RABGAP1L: variants seen among roughly 807,000 people sequenced by gnomAD.
The protein encoded by RABGAP1L is RAB GTPase activating protein 1 like.
In RABGAP1L, 63 loss-of-function variants were observed where a neutral mutation model predicts 137.7. The observed-to-expected ratio is 0.46, with a 90% CI of 0.37 to 0.56. The LOEUF (loss-of-function observed/expected upper bound fraction) is 0.56. Among genes scored for constraint, RABGAP1L ranks in the 20% least tolerant of loss-of-function variants. The pLI is 0.00. For synonymous variants in RABGAP1L, 431 were observed against 433.7 expected (o/e 0.99, Z 0.08); for missense variants, 1,095 against 1,244.0 (o/e 0.88, Z 1.80).
At chr1:174,547,456 A>G (rs1364485846) in intron 13 of RABGAP1L, among the ~76,000 whole-genome samples, 1 of 152,130 alleles carries the variant, frequency 6.6e-6, no homozygotes, top group African/African-American at 2.4e-5. Context: ...ATCTCTGCAA[A>G]AAAATAAAAA....
chr1:174,595,936 G>A (rs1344657506), intron 13 of RABGAP1L, among the ~76,000 whole-genome samples: 3 of 104,826 alleles, frequency 2.9e-5, no homozygotes, highest in African/African-American at 5.8e-5. Flanking sequence ...TGGCAATGGC[G>A]GGCGCCCCTC....
chr1:174,249,889 G>T (rs1672580934), intron 5 of RABGAP1L, among the ~76,000 whole-genome samples: 1 of 152,098 alleles, frequency 6.6e-6, no homozygotes, highest in African/African-American at 2.4e-5. Context: ...TGATCTGCCT[G>T]CCTTGGCCTC....
At chr1:174,897,836 G>A (rs1175169168) in intron 19 of RABGAP1L, 1 of 151,806 alleles carries the variant, frequency 6.6e-6, no homozygotes, top group Non-Finnish European at 1.5e-5. Context: ...GTAAAAATTA[G>A]CCAGTTTGGT....
intron 17 of RABGAP1L, among the ~76,000 whole-genome samples, chr1:174,749,441 T>G (rs1684162909): frequency 6.6e-6 from 1 of 151,930 alleles, no homozygotes; most frequent in African/African-American, 2.4e-5. Flanking sequence ...GCACTCCTCC[T>G]GCCTCAGCCT....
At chr1:174,586,385 T>C (rs1403583510) in intron 13 of RABGAP1L, among the ~76,000 whole-genome samples, 1 of 149,654 alleles carries the variant, frequency 6.7e-6, no homozygotes, top group Non-Finnish European at 1.5e-5. Context: ...CACTGGGACC[T>C]GTCAGGGGAG....
chr1:174,616,040 C>G (rs1171331771), intron 13 of RABGAP1L, among the ~76,000 whole-genome samples: 1 of 152,100 alleles, frequency 6.6e-6, no homozygotes, highest in Non-Finnish European at 1.5e-5. Context: ...CTGAGTGAGG[C>G]AATGTCTTGC....
chr1:174,786,939 C>T (rs1687486685), intron 18 of RABGAP1L, among the ~76,000 whole-genome samples: 1 of 152,010 alleles, frequency 6.6e-6, no homozygotes, highest in Admixed American at 6.6e-5. Context: ...CTGTTGGGTA[C>T]TAGAGGTGCG....
chr1:174,674,227 ATCCTT>A (rs1677411099), intron 14 of RABGAP1L, among the ~76,000 whole-genome samples: 1 of 144,716 alleles, frequency 6.9e-6, no homozygotes, highest in African/African-American at 2.6e-5. Context: ...TCCTAATGCT[ATCCTT>A]CCCCCCTCCC....
chr1:174,629,368 T>G (rs75312032), intron 13 of RABGAP1L, among the ~76,000 whole-genome samples: 3,260 of 152,284 alleles, frequency 0.021, 124 homozygotes, highest in African/African-American at 0.075. Flanking sequence ...CCTTTACTTA[T>G]ATGAGATGGA....
intron 1 of RABGAP1L, among the ~76,000 whole-genome samples, chr1:174,198,985 G>A (rs893557704): frequency 8.5e-5 from 13 of 152,170 alleles, no homozygotes; most frequent in African/African-American, 2.9e-4. Flanking sequence ...GCGCATGCCT[G>A]TAATCCCAGC....
intron 13 of RABGAP1L, among the ~76,000 whole-genome samples, chr1:174,400,806 C>T (rs1460402632): frequency 1.3e-5 from 2 of 151,938 alleles, no homozygotes; most frequent in African/African-American, 2.4e-5. Flanking sequence ...CATGGTAGGT[C>T]AATGATTGGC....
In RABGAP1L at chr1:174,992,155, CT is replaced by C. The variant is rs1173141639; in HGVS notation, c.*2155del. 1.3e-5 allele frequency: 2 copies of C among 152,254 alleles called. No individual in the cohort carries two copies. Among genetic ancestry groups the C allele is most frequent in the Non-Finnish European group, 2.9e-5 (2 of 68,134 alleles). The allele number at this position is 152,254 out of a possible 1,614,324, so 9.4% of individuals were successfully genotyped here. On this transcript the variant is annotated 3_prime_UTR_variant, in exon 26 of 26. Coordinates refer to ENST00000681986, the MANE Select transcript of RABGAP1L (RefSeq NM_001366446.1). ...AAAGAGGAGAAGAGAAAAATCCCCC[CT>C]GGCCAGGCATGGTGGCTCACATCTG...
intron 13 of RABGAP1L, among the ~76,000 whole-genome samples, chr1:174,475,653 A>G (rs868223612): frequency 4.2e-4 from 64 of 151,852 alleles, no homozygotes; most frequent in African/African-American, 1.5e-3. Flanking sequence ...CACACATACA[A>G]TCCCAGCTCT....
intron 10 of RABGAP1L, among the ~76,000 whole-genome samples, chr1:174,283,489 A>C (rs1675759167): frequency 6.6e-6 from 1 of 151,212 alleles, no homozygotes; most frequent in Admixed American, 6.6e-5. Context: ...TTTTGGGAAG[A>C]GTTGCTGTTT....
intron 19 of RABGAP1L, among the ~76,000 whole-genome samples, chr1:174,881,672 G>A (rs1373558954): frequency 6.6e-6 from 1 of 151,052 alleles, no homozygotes; most frequent in African/African-American, 2.4e-5. Context: ...GCTAATTTTT[G>A]TATTTTTAGT....
At chr1:174,507,807 A>G (rs1661967682) in intron 13 of RABGAP1L, among the ~76,000 whole-genome samples, 1 of 151,130 alleles carries the variant, frequency 6.6e-6, no homozygotes, top group African/African-American at 2.5e-5. Context: ...ATTTTGATTT[A>G]CTATTAAGTA....
At chr1:174,233,590 T>G (rs779303783) in intron 4 of RABGAP1L, among the ~76,000 whole-genome samples, 1 of 141,832 alleles carries the variant, frequency 7.1e-6, no homozygotes, top group South Asian at 2.1e-4. Flanking sequence ...ACAAAGGACA[T>G]GAACTCATCA....
chr1:174,595,709 C>G (rs765333850), intron 13 of RABGAP1L, among the ~76,000 whole-genome samples: 5 of 124,660 alleles, frequency 4.0e-5, no homozygotes, highest in East Asian at 2.3e-4. Context: ...GCAGTCTGCC[C>G]GTTCTCAGAT....
chr1:174,431,136 G>A (rs1652584109), intron 13 of RABGAP1L, among the ~76,000 whole-genome samples: 1 of 151,862 alleles, frequency 6.6e-6, no homozygotes, highest in African/African-American at 2.4e-5. Flanking sequence ...ATTTAAAATG[G>A]GTCTGTGCTC....
Sources: allele counts gnomAD v4.1 joint callset (sites outside exome capture counted in the v4.1 genomes callset), GRCh38; gene constraint gnomAD v4.1.1; transcripts MANE v1.5; gene names NCBI Gene and HGNC (gene_info 2026-07-23, HGNC 2026-07-21).